The following CCNY variants were observed in gnomAD, a reference collection of about 807,000 sequenced individuals.
CCNY encodes the protein cyclin-Y.
A neutral mutation model predicts 42.8 loss-of-function variants in CCNY; 19 were observed. That is an observed-to-expected ratio of 0.44 (90% CI 0.31 to 0.65). The LOEUF is 0.65. Among genes scored for constraint, CCNY ranks in the 30% least tolerant of loss-of-function variants. The pLI is 0.07. For missense variants in CCNY, 370 were observed against 437.3 expected (o/e 0.85, Z 1.37); for synonymous variants, 165 against 162.7 (o/e 1.01, Z -0.11).
At chr10:35,485,425 T>A (rs1459517871) in intron 2 of CCNY, among the ~76,000 whole-genome samples, 1 of 152,202 alleles carries the variant, frequency 6.6e-6, no homozygotes, top group African/African-American at 2.4e-5. Context: ...AAAATCAATT[T>A]TAAAAATAGG....
At chr10:35,475,969 A>C (rs1157791806) in intron 1 of CCNY, among the ~76,000 whole-genome samples, 1 of 152,194 alleles carries the variant, frequency 6.6e-6, no homozygotes, top group Admixed American at 6.5e-5. Flanking sequence ...GGAAAACAAA[A>C]AAAGGCAGGG....
intron 1 of CCNY, among the ~76,000 whole-genome samples, chr10:35,418,957 A>G (rs1272507166): frequency 6.6e-6 from 1 of 151,720 alleles, no homozygotes; most frequent in Non-Finnish European, 1.5e-5. Flanking sequence ...AGTAGCTGGG[A>G]TTATAGGCAC....
chr10:35,326,286 C>T (rs1031284234), intron 3 of CCNY, among the ~76,000 whole-genome samples: 1 of 151,782 alleles, frequency 6.6e-6, no homozygotes, highest in Non-Finnish European at 1.5e-5. Context: ...TTACCTTTTA[C>T]AGTGTTTTAA....
At chr10:35,553,437 A>G (rs1321087696) in intron 8 of CCNY, among the ~76,000 whole-genome samples, 1 of 152,154 alleles carries the variant, frequency 6.6e-6, no homozygotes, top group Admixed American at 6.5e-5. Context: ...CAGAAACTAT[A>G]TTGTAGGCAA....
intron 3 of CCNY, among the ~76,000 whole-genome samples, chr10:35,319,507 T>C (rs929234396): frequency 6.6e-6 from 1 of 152,186 alleles, no homozygotes; most frequent in Non-Finnish European, 1.5e-5. Context: ...ATTATAATTA[T>C]GTAAATAAAT....
chr10:35,275,492 G>A (rs894771211), intron 3 of CCNY, among the ~76,000 whole-genome samples: 6 of 151,260 alleles, frequency 4.0e-5, no homozygotes, highest in East Asian at 2.0e-4. Context: ...GGCTGGGCGC[G>A]GTGGCTCACA....
intron 8 of CCNY, among the ~76,000 whole-genome samples, chr10:35,557,800 TA>T (rs1440007435): frequency 6.6e-6 from 1 of 152,210 alleles, no homozygotes; most frequent in Non-Finnish European, 1.5e-5. Flanking sequence ...ATACAAAAAG[TA>T]AAACCTTATG....
chr10:35,554,630 T>C (rs1477767130), intron 8 of CCNY, among the ~76,000 whole-genome samples: 2 of 152,190 alleles, frequency 1.3e-5, no homozygotes, highest in East Asian at 3.9e-4. Context: ...ACTTCCTGGC[T>C]GTCCCCTCCT....
intron 8 of CCNY, among the ~76,000 whole-genome samples, chr10:35,563,674 G>C (rs956687102): frequency 1.2e-4 from 18 of 152,088 alleles, no homozygotes; most frequent in Non-Finnish European, 2.5e-4. Flanking sequence ...GTTGTTTTAA[G>C]TAAAAATTAT....
intron 1 of CCNY, among the ~76,000 whole-genome samples, chr10:35,444,366 G>C (rs11010199): frequency 0.012 from 1,891 of 151,618 alleles, 29 homozygotes; most frequent in African/African-American, 0.028. Flanking sequence ...TCCTGCCTCA[G>C]CCTCCCAAGT....
In CCNY at chr10:35,337,154, G is replaced by A. The variant is rs914997774; in HGVS notation, c.101G>A (p.Arg34His). Residue 34 changes from arginine to histidine, a missense_variant, in exon 1 of 10, where the codon CGC becomes CAC. By Grantham distance (29) the Arg-to-His change is conservative. Around this residue, in one of 2 missense-constraint regions of CCNY, gnomAD observed 136 missense variants for 124.2 expected, o/e 1.09. Coordinates refer to ENST00000374704, the MANE Select transcript of CCNY (RefSeq NM_145012.6). ...TACCGGCCAGACACGGACCTGAGCCGCGAGGACACGGGCTGCAACCTGCAG... is the reference window on the plus strand; with the variant it reads ...TACCGGCCAGACACGGACCTGAGCCACGAGGACACGGGCTGCAACCTGCAG... ...ESYRPDTDLS[R>H]EDTGCNLQHI... 1 of 1,581,852 alleles carries A rather than the reference G, an allele frequency of 6.3e-7. No homozygotes were observed. The highest frequency in any genetic ancestry group is 1.2e-5 in the South Asian group (1 of 86,264).
At chr10:35,538,531 G>C (rs1397600975) in intron 7 of CCNY, among the ~76,000 whole-genome samples, 2 of 152,124 alleles carry the variant, frequency 1.3e-5, no homozygotes, top group East Asian at 3.9e-4. Context: ...GAAGGGTTAG[G>C]TCATTGTTTT....
chr10:35,320,458 A>T (rs1835807643), intron 3 of CCNY, among the ~76,000 whole-genome samples: 1 of 152,216 alleles, frequency 6.6e-6, no homozygotes, highest in Admixed American at 6.5e-5. Flanking sequence ...AATAGAAGGG[A>T]CCTTCTTCAT....
chr10:35,544,477 T>G (rs1430879912), intron 7 of CCNY, among the ~76,000 whole-genome samples: 3 of 152,206 alleles, frequency 2.0e-5, no homozygotes, highest in Non-Finnish European at 4.4e-5. Context: ...TTTGTGTAAG[T>G]GCACTCTATG....
At chr10:35,367,750 A>G (rs1836840179) in intron 1 of CCNY, among the ~76,000 whole-genome samples, 3 of 152,228 alleles carry the variant, frequency 2.0e-5, no homozygotes, top group Non-Finnish European at 2.9e-5. Context: ...CTTAGAGACT[A>G]TTGCAGGTCT....
At chr10:35,395,168 T>TG (rs1482678696) in intron 1 of CCNY, among the ~76,000 whole-genome samples, 1 of 152,188 alleles carries the variant, frequency 6.6e-6, no homozygotes, top group Non-Finnish European at 1.5e-5. Context: ...TCTCACTACC[T>TG]GGGGTACTAA....
intron 1 of CCNY, among the ~76,000 whole-genome samples, chr10:35,479,361 G>A (rs1429121073): frequency 6.8e-6 from 1 of 147,046 alleles, no homozygotes; most frequent in Non-Finnish European, 1.5e-5. Flanking sequence ...CAACCCAAAT[G>A]TCCAACAATG....
intron 7 of CCNY, among the ~76,000 whole-genome samples, chr10:35,536,349 A>G (rs1840887113): frequency 1.3e-5 from 2 of 152,116 alleles, no homozygotes; most frequent in Admixed American, 6.5e-5. Context: ...AGTCTCGGGT[A>G]TGTCTTTATC....
At chr10:35,438,852 T>C (rs1173347792) in intron 1 of CCNY, among the ~76,000 whole-genome samples, 1 of 152,238 alleles carries the variant, frequency 6.6e-6, no homozygotes, top group African/African-American at 2.4e-5. Flanking sequence ...AGGGTAGGTC[T>C]GCTGGTGACA....
Sources: gnomAD v4.1 joint callset for allele counts (sites outside exome capture counted in the v4.1 genomes callset) on GRCh38, gnomAD v4.1.1 for gene constraint, gnomAD v4.1.1 regional missense constraint, MANE v1.5 for transcripts, NCBI Gene and HGNC (gene_info 2026-07-23, HGNC 2026-07-21) for gene names.